The following SFMBT2 variants were observed in gnomAD, a reference collection of about 807,000 sequenced individuals.
SFMBT2 encodes scm-like with four MBT domains protein 2.
In SFMBT2, 38 loss-of-function variants were observed where a neutral mutation model predicts 110.1. That is an observed-to-expected ratio of 0.35 (90% confidence interval 0.27 to 0.45). The LOEUF (loss-of-function observed/expected upper bound fraction) is 0.45. Ranked by LOEUF, SFMBT2 falls within the 20% of genes least tolerant of loss-of-function variation. The pLI is 1.00. For missense variants in SFMBT2, 1,011 were observed against 1,094.9 expected (o/e 0.92, Z 1.08); for synonymous variants, 425 against 425.4 (o/e 1.00, Z 0.01).
intron 4 of SFMBT2, among the ~76,000 whole-genome samples, chr10:7,288,857 C>G (rs866810333): frequency 6.7e-6 from 1 of 149,396 alleles, no homozygotes; most frequent in African/African-American, 2.5e-5. Context: ...GGTGAAACCC[C>G]CCCCCCCATC....
chr10:7,237,431 T>C (rs1840291533), intron 9 of SFMBT2, among the ~76,000 whole-genome samples: 1 of 152,250 alleles, frequency 6.6e-6, no homozygotes, highest in Non-Finnish European at 1.5e-5. Context: ...GCATTATATA[T>C]GTATATAGTC....
chr10:7,176,530 A>T, intron 16 of SFMBT2: 2 of 985,250 alleles, frequency 2.0e-6, no homozygotes, highest in Non-Finnish European at 2.4e-6. Flanking sequence ...TCCTGTTGCT[A>T]TCATATTTCA....
rs1382832937 is a variant in SFMBT2 at position 7,293,053 on chromosome 10, T to C, written c.437-7099A>G. Among the ~76,000 whole-genome samples, 2 of 152,162 alleles carry C rather than the reference T, an allele frequency of 1.3e-5. No homozygotes were observed. The highest frequency in any genetic ancestry group is 2.9e-5 in the Non-Finnish European group (2 of 68,020). On this transcript the variant is annotated intron_variant, in intron 4 of 20. Transcript: ENST00000397167. The surrounding 1 kb of genome is among the most constrained non-coding windows in gnomAD (Gnocchi z 4.6). ...TTGTTGGAAGCAAATGACACAGCCC[T>C]ATCACAGTGATGACATTAGGGTGAA...
intron 16 of SFMBT2, among the ~76,000 whole-genome samples, chr10:7,179,364 C>G (rs1377985376): frequency 4.3e-5 from 4 of 92,384 alleles, no homozygotes; most frequent in African/African-American, 1.7e-4. Context: ...TGGGGCGGTT[C>G]TTGCTTATTG....
intron 10 of SFMBT2, 97 bp downstream of exon 10, chr10:7,227,758 A>T (rs1839937255): frequency 4.9e-6 from 5 of 1,029,670 alleles, no homozygotes; most frequent in Non-Finnish European, 7.4e-6. Flanking sequence ...GCACTGTAAT[A>T]CTCCAACCGT....
intron 1 of SFMBT2, among the ~76,000 whole-genome samples, chr10:7,393,584 C>T (rs1845841431): frequency 6.6e-6 from 1 of 152,220 alleles, no homozygotes; most frequent in Non-Finnish European, 1.5e-5. Context: ...GTAGAAATCA[C>T]TGTGGCAGAG....
chr10:7,352,175 T>C (rs1396108428), intron 4 of SFMBT2, among the ~76,000 whole-genome samples: 1 of 152,072 alleles, frequency 6.6e-6, no homozygotes, highest in Admixed American at 6.5e-5. Context: ...GAGATGCCAG[T>C]GTTTTATTTC....
intron 1 of SFMBT2, among the ~76,000 whole-genome samples, chr10:7,403,835 A>C (rs1329790376): frequency 6.6e-6 from 1 of 152,212 alleles, no homozygotes; most frequent in Non-Finnish European, 1.5e-5. Context: ...TAAAAGGAGG[A>C]TGACAAAACT....
At chr10:7,315,861 T>C (rs1344556149) in intron 4 of SFMBT2, among the ~76,000 whole-genome samples, 3 of 152,246 alleles carry the variant, frequency 2.0e-5, no homozygotes, top group Non-Finnish European at 4.4e-5. Context: ...GAAGTCTTAA[T>C]GTAAAACCTG....
chr10:7,172,175 G>A lies in SFMBT2; in HGVS notation c.2152-17C>T. On this transcript the variant is annotated splice_polypyrimidine_tract_variant and intron_variant, in intron 18 of 20. Transcript: ENST00000397167. This position sits in a 1 kb window ranked among gnomAD's most constrained non-coding sequence, Gnocchi z 4.6. ...TTCACTTTCCTGGGAAGGAGGAAAA[G>A]GCATTTAAGGGGCTGGTGGCCCGGG... 6.5e-7 allele frequency: 1 copy of A among 1,530,994 alleles called. No individual in the cohort carries two copies. Among genetic ancestry groups the A allele is most frequent in the Non-Finnish European group, 8.8e-7 (1 of 1,138,122 alleles). 94.8% of individuals were successfully genotyped at this position (1,530,994 alleles called of 1,614,324 possible). A position where few individuals can be genotyped will look rare whatever the true frequency, so the allele number is the denominator to read the frequency against.
rs796322389 is a variant in SFMBT2, at chr10:7,378,066, T to A, written c.100+3733A>T. ...GGGTGGATGGATGGATGTGAGTGTG[T>A]GTGTGCATGTGTATGTGGATGGGTG... On this transcript the variant is annotated intron_variant, in intron 2 of 20. Coordinates refer to ENST00000397167, the MANE Select transcript of SFMBT2 (RefSeq NM_001387889.1). Among the ~76,000 whole-genome samples, 23 of 114,636 alleles carry A rather than the reference T, an allele frequency of 2.0e-4. 1 individual carries two copies. Among genetic ancestry groups the A allele is most frequent in the Middle Eastern group, 0.014 (2 of 140 alleles). The allele number at this position is 114,636 out of a possible 152,430, so 75.2% of individuals were successfully genotyped here.
intron 1 of SFMBT2, among the ~76,000 whole-genome samples, chr10:7,395,457 ACTT>A (rs952250877): frequency 9.8e-5 from 15 of 152,322 alleles, no homozygotes; most frequent in African/African-American, 3.4e-4. Flanking sequence ...GTGGTGAGTG[ACTT>A]CTTTCAAGAT....
At chr10:7,253,316 A>G (rs1225850622) in intron 7 of SFMBT2, among the ~76,000 whole-genome samples, 1 of 152,222 alleles carries the variant, frequency 6.6e-6, no homozygotes, top group Non-Finnish European at 1.5e-5. Context: ...TATAGCCATC[A>G]AGTACAGGAA....
chr10:7,389,905 T>G (rs1339185646), intron 1 of SFMBT2, among the ~76,000 whole-genome samples: 1 of 152,244 alleles, frequency 6.6e-6, no homozygotes, highest in African/African-American at 2.4e-5. Flanking sequence ...CTATCTTTCC[T>G]TCTCCTTTCA....
At chr10:7,364,582 A>G (rs2764390) in intron 4 of SFMBT2, among the ~76,000 whole-genome samples, 34,368 of 152,216 alleles carry the variant, frequency 0.23, 5,063 homozygotes, top group African/African-American at 0.42. Context: ...ACTTGTCTCT[A>G]AAACTATTCA....
intron 4 of SFMBT2, among the ~76,000 whole-genome samples, chr10:7,321,752 C>T (rs1302170694): frequency 6.6e-6 from 1 of 152,190 alleles, no homozygotes; most frequent in Non-Finnish European, 1.5e-5. Flanking sequence ...AAGCTATGAA[C>T]TACTTGAAGG....
intron 1 of SFMBT2, among the ~76,000 whole-genome samples, chr10:7,384,242 C>T (rs1407729947): frequency 1.3e-5 from 1 of 76,042 alleles, no homozygotes; most frequent in Non-Finnish European, 2.5e-5. Flanking sequence ...AAAAAAACAA[C>T]CACAGAAAGG....
chr10:7,365,197 T>G (rs1844852830), intron 4 of SFMBT2, among the ~76,000 whole-genome samples: 1 of 152,142 alleles, frequency 6.6e-6, no homozygotes. Flanking sequence ...AAACCTGACT[T>G]AAGAACAGCC....
chr10:7,169,490 T>A (rs1837805973), intron 20 of SFMBT2, among the ~76,000 whole-genome samples: 2 of 152,240 alleles, frequency 1.3e-5, no homozygotes, highest in African/African-American at 4.8e-5. Flanking sequence ...GTCACAGACC[T>A]TTTATGTTTC....
Sources: gnomAD v4.1 joint callset for allele counts (sites outside exome capture counted in the v4.1 genomes callset) on GRCh38, gnomAD v4.1.1 for gene constraint, Gnocchi (gnomAD v3.1) non-coding constraint, MANE v1.5 for transcripts, NCBI Gene and HGNC (gene_info 2026-07-23, HGNC 2026-07-21) for gene names.